ROBO2: variants seen among roughly 807,000 people sequenced by gnomAD.
ROBO2 encodes roundabout homolog 2.
A neutral mutation model predicts 160.8 loss-of-function variants in ROBO2; 53 were observed. The ratio of observed to expected loss-of-function variants is 0.33; its 90% CI spans 0.26 to 0.41. ROBO2 has a LOEUF of 0.41. ROBO2 is among the 10% of genes least tolerant of loss of function. ROBO2 has a pLI of 1.00. For missense variants in ROBO2, 1,577 were observed against 1,722.4 expected (o/e 0.92, Z 1.49); for synonymous variants, 664 against 611.7 (o/e 1.09, Z -1.26).
At chr3:76,783,457 T>C (rs2062781760) in intron 2 of ROBO2, among the ~76,000 whole-genome samples, 1 of 150,884 alleles carries the variant, frequency 6.6e-6, no homozygotes. Context: ...CTTATCACTC[T>C]TTCATTTCTG....
chr3:76,210,878 T>C (rs2107318833), intron 2 of ROBO2, among the ~76,000 whole-genome samples: 1 of 152,220 alleles, frequency 6.6e-6, no homozygotes, highest in Middle Eastern at 3.4e-3. Flanking sequence ...AATCTATCAT[T>C]TGTGTATAAT....
At chr3:77,375,988 GT>G (rs1210327916) in intron 2 of ROBO2, among the ~76,000 whole-genome samples, 1 of 121,966 alleles carries the variant, frequency 8.2e-6, no homozygotes, top group Non-Finnish European at 1.5e-5. Context: ...AGTAGGTCAT[GT>G]TTGTGCCTTG....
At chr3:77,300,523 A>C (rs1007709559) in intron 2 of ROBO2, among the ~76,000 whole-genome samples, 1 of 151,982 alleles carries the variant, frequency 6.6e-6, no homozygotes, top group Non-Finnish European at 1.5e-5. Flanking sequence ...TGGAATTTTT[A>C]GTTCTGTCTC....
chr3:77,581,905 T>G (rs1276889531), intron 16 of ROBO2, among the ~76,000 whole-genome samples: 2 of 152,188 alleles, frequency 1.3e-5, no homozygotes, highest in Non-Finnish European at 2.9e-5. Flanking sequence ...TTGTGTTTCA[T>G]GTTTTGGCTA....
intron 2 of ROBO2, among the ~76,000 whole-genome samples, chr3:76,819,676 G>T (rs548329822): frequency 6.6e-6 from 1 of 151,926 alleles, no homozygotes; most frequent in East Asian, 1.9e-4. Flanking sequence ...TAGGCTAGTC[G>T]GTCAACCTCC....
rs1576623430 is a variant in ROBO2 at position 76,788,515 on chromosome 3, T to A, written c.110-309499T>A. On this transcript the variant is annotated intron_variant, in intron 2 of 26. Transcript: ENST00000487694. ...AATCAAGGACAGGACTTGGACTACA[T>A]CAGACTCAACTGTCTTTTAATGTAG... Among the ~76,000 whole-genome samples the A allele has an allele frequency of 2.0e-5, 3 of 151,586 alleles. No homozygotes were observed. The East Asian group carries it at 5.8e-4, about 30-fold the overall frequency.
chr3:76,943,883 A>G (rs1025308554), intron 2 of ROBO2, among the ~76,000 whole-genome samples: 1 of 152,232 alleles, frequency 6.6e-6, no homozygotes, highest in Non-Finnish European at 1.5e-5. Flanking sequence ...TATAACCTCT[A>G]ATTTACAAAT....
At chr3:76,525,900 G>A (rs1001415628) in intron 2 of ROBO2, among the ~76,000 whole-genome samples, 5 of 151,902 alleles carry the variant, frequency 3.3e-5, no homozygotes, top group Non-Finnish European at 7.4e-5. Flanking sequence ...TATATAGTAG[G>A]ATTCCATTTA....
intron 1 of ROBO2, among the ~76,000 whole-genome samples, chr3:77,092,956 G>A (rs143974261): frequency 6.6e-6 from 1 of 151,810 alleles, no homozygotes; most frequent in East Asian, 1.9e-4. Flanking sequence ...ATGATATCAG[G>A]TACTCTTGAG....
At chr3:76,995,561 C>T (rs967123792) in intron 2 of ROBO2, among the ~76,000 whole-genome samples, 3 of 152,082 alleles carry the variant, frequency 2.0e-5, no homozygotes, top group Non-Finnish European at 2.9e-5. Flanking sequence ...GTTTACAGTC[C>T]CACCAACAGT....
chr3:76,702,051 C>G (rs12631497), intron 2 of ROBO2, among the ~76,000 whole-genome samples: 29,418 of 151,928 alleles, frequency 0.19, 4,586 homozygotes, highest in African/African-American at 0.43. Context: ...TAAAATTTCA[C>G]TAGCAAATAA....
At chr3:76,227,128 A>G (rs558831746) in intron 2 of ROBO2, among the ~76,000 whole-genome samples, 136 of 152,308 alleles carry the variant, frequency 8.9e-4, no homozygotes, top group African/African-American at 3.2e-3. Flanking sequence ...GATTTCATAA[A>G]ATGTGGTAAT....
intron 1 of ROBO2, among the ~76,000 whole-genome samples, chr3:75,919,465 G>A (rs146099219): frequency 2.2e-3 from 337 of 152,158 alleles, no homozygotes; most frequent in Non-Finnish European, 3.8e-3. Flanking sequence ...TTTTTGCATC[G>A]ATGTTCGTCA....
At chr3:75,985,297 A>T (rs1333936739) in intron 2 of ROBO2, among the ~76,000 whole-genome samples, 2 of 151,502 alleles carry the variant, frequency 1.3e-5, no homozygotes, top group Non-Finnish European at 3.0e-5. Flanking sequence ...AAATACACTT[A>T]ATGTGAAATT....
chr3:77,237,409 TTTTGTGTG>T (rs1265565155), intron 2 of ROBO2, among the ~76,000 whole-genome samples: 182 of 39,848 alleles, frequency 4.6e-3, no homozygotes, highest in African/African-American at 0.011. Flanking sequence ...TTTTGTTTTG[TTTTGTGTG>T]TGTGTGTGTG....
chr3:76,283,554 A>C (rs1244878866), intron 2 of ROBO2, among the ~76,000 whole-genome samples: 1 of 151,966 alleles, frequency 6.6e-6, no homozygotes, highest in Non-Finnish European at 1.5e-5. Flanking sequence ...TTATCTAGCA[A>C]TATAGAATAG....
intron 2 of ROBO2, among the ~76,000 whole-genome samples, chr3:77,302,313 G>A (rs2062734348): frequency 6.6e-6 from 1 of 152,030 alleles, no homozygotes; most frequent in Non-Finnish European, 1.5e-5. Context: ...TGTAAAGATT[G>A]AACTAATGAA....
intron 2 of ROBO2, among the ~76,000 whole-genome samples, chr3:76,666,568 GA>G (rs1479501580): frequency 1.3e-5 from 2 of 152,014 alleles, no homozygotes; most frequent in East Asian, 3.9e-4. Flanking sequence ...ACCAATAATG[GA>G]ATATTATTAA....
intron 2 of ROBO2, among the ~76,000 whole-genome samples, chr3:76,643,603 CA>C: frequency 6.6e-6 from 1 of 152,074 alleles, no homozygotes; most frequent in Admixed American, 6.5e-5. Context: ...GGAGGATGTG[CA>C]AAAGTATGTT....
Sources: gnomAD v4.1 joint callset for allele counts (sites outside exome capture counted in the v4.1 genomes callset) on GRCh38, gnomAD v4.1.1 for gene constraint, MANE v1.5 for transcripts, NCBI Gene and HGNC (gene_info 2026-07-23, HGNC 2026-07-21) for gene names.